The following VWA8 variants were observed in gnomAD, a reference collection of about 807,000 sequenced individuals.
VWA8 encodes the protein von Willebrand factor A domain containing 8, also known as von Willebrand factor A domain-containing protein 8.
A neutral mutation model predicts 241.5 loss-of-function variants in VWA8; 221 were observed. That is an observed-to-expected ratio of 0.91 (90% CI 0.82 to 1.02). VWA8 has a LOEUF of 1.02. Among genes scored for constraint, VWA8 ranks in the 50% least tolerant of loss-of-function variants. The probability of loss-of-function intolerance (pLI) is 0.00; values close to 1 mark genes in which losing one functional copy is unlikely to be tolerated. For missense variants in VWA8, 2,322 were observed against 2,328.7 expected (o/e 1.00, Z 0.06); for synonymous variants, 852 against 827.1 (o/e 1.03, Z -0.52).
intron 19 of VWA8, among the ~76,000 whole-genome samples, chr13:41,779,206 T>C (rs11839147): frequency 3.1e-3 from 463 of 147,908 alleles, no homozygotes; most frequent in African/African-American, 9.8e-3. Flanking sequence ...ATATAAATTA[T>C]ATATAATATA....
At position 41,656,859 on chromosome 13, in the gene VWA8, A is replaced by T. The variant is rs6561009; in HGVS notation, c.4611+14087T>A. On this transcript the variant is annotated intron_variant, in intron 37 of 44. Coordinates refer to ENST00000379310, the MANE Select transcript of VWA8 (RefSeq NM_015058.2). The stretch of plus-strand genomic sequence containing the variant: ...GTCAAAACCACTAAAAAATAAAAAT[A>T]AAAATAAAAATCACATGGTCATGCG... 5.3e-3 allele frequency among the ~76,000 whole-genome samples: 805 copies of T among 152,306 alleles called. 4 individuals are homozygous for T. The highest frequency in any genetic ancestry group is 0.018 in the African/African-American group (767 of 41,546).
chr13:41,729,487 C>T, intron 23 of VWA8, 55 bp downstream of exon 23: 1 of 1,502,246 alleles, frequency 6.7e-7, no homozygotes, highest in East Asian at 2.4e-5. Context: ...TGATTTGATA[C>T]AGAGATATAA....
chr13:41,740,146 C>T (rs2045558557), intron 21 of VWA8, among the ~76,000 whole-genome samples: 1 of 152,098 alleles, frequency 6.6e-6, no homozygotes, highest in Non-Finnish European at 1.5e-5. Flanking sequence ...TGAGCCACCA[C>T]ACCCAGTCCC....
At chr13:41,877,746 C>T (rs1200811251) in intron 9 of VWA8, among the ~76,000 whole-genome samples, 1 of 152,066 alleles carries the variant, frequency 6.6e-6, no homozygotes, top group Non-Finnish European at 1.5e-5. Flanking sequence ...AGCCAAGACA[C>T]GTTACTAGAA....
intron 9 of VWA8, among the ~76,000 whole-genome samples, chr13:41,882,092 C>T (rs1397439311): frequency 3.4e-5 from 5 of 146,426 alleles, no homozygotes; most frequent in Non-Finnish European, 6.0e-5. Flanking sequence ...TCAGACGGGG[C>T]GGCCGGGCAG....
chr13:41,719,380 G>A (rs759447473), intron 26 of VWA8: 263 of 1,389,372 alleles, frequency 1.9e-4, no homozygotes, highest in Non-Finnish European at 2.2e-4. Flanking sequence ...ATCTACTCAT[G>A]GGACATACAT....
intron 12 of VWA8, among the ~76,000 whole-genome samples, chr13:41,841,602 C>T (rs536011366): frequency 3.4e-5 from 5 of 149,188 alleles, no homozygotes; most frequent in Non-Finnish European, 7.4e-5. Flanking sequence ...CTGGCTAACA[C>T]GGTGAAACCC....
intron 39 of VWA8, among the ~76,000 whole-genome samples, chr13:41,606,759 C>G (rs1191318079): frequency 6.6e-6 from 1 of 152,148 alleles, no homozygotes; most frequent in Non-Finnish European, 1.5e-5. Context: ...TTATGTAATG[C>G]TAGGCCTAGA....
intron 9 of VWA8, among the ~76,000 whole-genome samples, chr13:41,878,321 A>G (rs933433297): frequency 6.6e-6 from 1 of 152,104 alleles, no homozygotes; most frequent in African/African-American, 2.4e-5. Flanking sequence ...TTAGCTTAAA[A>G]TAATGCTTTG....
intron 5 of VWA8, among the ~76,000 whole-genome samples, chr13:41,890,363 G>A (rs1171493640): frequency 6.6e-6 from 1 of 152,228 alleles, no homozygotes; most frequent in African/African-American, 2.4e-5. Context: ...GAGACTCTAG[G>A]TCCTAGAATG....
intron 2 of VWA8, among the ~76,000 whole-genome samples, chr13:41,915,230 T>C (rs891943041): frequency 6.6e-6 from 1 of 152,230 alleles, no homozygotes; most frequent in African/African-American, 2.4e-5. Flanking sequence ...ATCATGTTTA[T>C]GCTCCTGGGA....
chr13:41,775,249 T>C (rs1868538396), intron 20 of VWA8, among the ~76,000 whole-genome samples: 1 of 152,174 alleles, frequency 6.6e-6, no homozygotes, highest in Non-Finnish European at 1.5e-5. Context: ...CCTTCAACAT[T>C]GGTATTATAA....
chr13:41,955,943 A>G (rs1878333597), intron 1 of VWA8: 1 of 152,214 alleles, frequency 6.6e-6, no homozygotes, highest in South Asian at 2.1e-4. Context: ...TTTTCTGTCC[A>G]TAAATGCTGC....
intron 17 of VWA8, among the ~76,000 whole-genome samples, chr13:41,802,004 C>T (rs1869982163): frequency 1.3e-5 from 2 of 152,204 alleles, no homozygotes; most frequent in African/African-American, 4.8e-5. Context: ...CTCCCCTCCA[C>T]AGGAACACCA....
rs890538756 is a variant in VWA8 at position 41,842,487 on chromosome 13, T to C, written c.1426-8956A>G. ...TTACTCTGCTGTCAATGGGGAAAAG[T>C]TGATTTTGCAGTTGTATGTGTGGTA... On this transcript the variant is annotated intron_variant, in intron 12 of 44. Transcript: ENST00000379310. 3.9e-5 allele frequency among the ~76,000 whole-genome samples: 6 copies of C among 152,212 alleles called. No individual in the cohort carries two copies. The East Asian group carries it at 5.8e-4, about 15-fold the overall frequency.
At chr13:41,693,061 A>T in intron 29 of VWA8, 89 bp from the exon 30 acceptor site, 3 of 771,262 alleles carry the variant, frequency 3.9e-6, no homozygotes, top group Non-Finnish European at 2.1e-6. Flanking sequence ...CCTGACAGTG[A>T]AGGTTATAGT....
At chr13:41,787,040 A>G (rs528927488) in intron 18 of VWA8, among the ~76,000 whole-genome samples, 4 of 151,340 alleles carry the variant, frequency 2.6e-5, no homozygotes, top group African/African-American at 9.7e-5. Flanking sequence ...AACATATCTT[A>G]TAGGACATCG....
intron 9 of VWA8, among the ~76,000 whole-genome samples, chr13:41,873,451 A>T (rs1412387459): frequency 6.6e-6 from 1 of 152,132 alleles, no homozygotes; most frequent in Non-Finnish European, 1.5e-5. Flanking sequence ...ACTAATAAAG[A>T]AAAAAAGAGA....
intron 12 of VWA8, 45 bp downstream of exon 12, chr13:41,865,691 C>CATAT (rs1873257036): frequency 6.2e-7 from 1 of 1,604,246 alleles, no homozygotes; most frequent in Non-Finnish European, 8.5e-7. Flanking sequence ...ATGGCCTAAG[C>CATAT]ATATATGCTT....
Sources: gnomAD v4.1 joint callset for allele counts (sites outside exome capture counted in the v4.1 genomes callset) on GRCh38, gnomAD v4.1.1 for gene constraint, MANE v1.5 for transcripts, NCBI Gene and HGNC (gene_info 2026-07-23, HGNC 2026-07-21) for gene names.